The following KSR1 variants were observed in gnomAD, a reference collection of about 807,000 sequenced individuals.
KSR1 encodes kinase suppressor of ras.
KSR1 carries 35 observed loss-of-function variants against 92.9 expected under a neutral mutation model. That is an observed-to-expected ratio of 0.38 (90% CI 0.29 to 0.50). The LOEUF (loss-of-function observed/expected upper bound fraction) is 0.50, where lower values mean the gene tolerates loss of function less well. Among genes scored for constraint, KSR1 ranks in the 20% least tolerant of loss-of-function variants. The probability of loss-of-function intolerance (pLI) is 0.94; values close to 1 mark genes in which losing one functional copy is unlikely to be tolerated. For synonymous variants in KSR1, 467 were observed against 472.6 expected, an observed-to-expected ratio of 0.99 and a Z score of 0.15; for missense variants, 972 against 1,158.5, an observed-to-expected ratio of 0.84 and a Z score of 2.34.
Position 27,585,533 on chromosome 17 carries a change from C to G in KSR1, c.981-124C>G, listed in dbSNP as rs1200773995. The G allele has an allele frequency of 4.2e-6, 3 of 710,390 alleles. No homozygotes were observed. The South Asian group carries it at 4.5e-5, about 11-fold the overall frequency. The allele number at this position is 710,390 out of a possible 1,614,324, so 44.0% of individuals were successfully genotyped here. A position where few individuals can be genotyped will look rare whatever the true frequency, so the allele number is the denominator to read the frequency against. On this transcript the variant is annotated intron_variant, in intron 4 of 20. Coordinates refer to ENST00000644974, the MANE Select transcript of KSR1 (RefSeq NM_001394583.1). ...CAGAGTCAATCAGCCAGTCTGGCCT[C>G]AAGCCAGGCCTCAGAGTCCTACGTC...
chr17:27,499,831 CAG>C (rs1171045506), intron 1 of KSR1, among the ~76,000 whole-genome samples: 1 of 152,248 alleles, frequency 6.6e-6, no homozygotes, highest in Non-Finnish European at 1.5e-5. Flanking sequence ...ACCACCAAAG[CAG>C]AGGGGGTGTA....
At position 27,609,349 on chromosome 17, in the gene KSR1, C is replaced by T. The variant is rs372491421; in HGVS notation, c.2225+20C>T. 1.4e-5 allele frequency: 22 copies of T among 1,613,120 alleles called. No individual in the cohort carries two copies. The Admixed American group carries it at 2.7e-4, about 20-fold the overall frequency. ...GGGACGGTGAGTTGGTCTTGAGTGT[C>T]TGGGTGGGTTGTGGGTGCTGGATGG... On this transcript the variant is annotated intron_variant, in intron 16 of 20. Transcript: ENST00000644974.
At chr17:27,610,023 C>G (rs1274057269) in intron 16 of KSR1, 44 bp from the exon 17 acceptor site, 1 of 1,609,112 alleles carries the variant, frequency 6.2e-7, no homozygotes, top group Non-Finnish European at 8.5e-7. Context: ...TCTTTGCTGC[C>G]TGCTGAAAGG....
chr17:27,519,748 G>C (rs2069945196), intron 1 of KSR1, among the ~76,000 whole-genome samples: 1 of 152,164 alleles, frequency 6.6e-6, no homozygotes, highest in Non-Finnish European at 1.5e-5. Context: ...GATTATTTAG[G>C]CTCTAAATTG....
intron 18 of KSR1, among the ~76,000 whole-genome samples, chr17:27,615,377 G>T (rs538282438): frequency 6.6e-6 from 1 of 152,230 alleles, no homozygotes; most frequent in Admixed American, 6.5e-5. Flanking sequence ...CATTTTCTTT[G>T]TGGGTCCATC....
At chr17:27,568,390 C>T (rs1450086969) in intron 2 of KSR1, among the ~76,000 whole-genome samples, 2 of 152,258 alleles carry the variant, frequency 1.3e-5, no homozygotes, top group Non-Finnish European at 2.9e-5. Flanking sequence ...TCTGGCCCCA[C>T]AAGGGACCCA....
At chr17:27,580,153 G>A (rs183795861) in intron 3 of KSR1, among the ~76,000 whole-genome samples, 1 of 152,250 alleles carries the variant, frequency 6.6e-6, no homozygotes, top group East Asian at 1.9e-4. Context: ...TTTGGGGCTT[G>A]TTTCCTTTGG....
At position 27,607,971 on chromosome 17, in the gene KSR1, C is replaced by G; in HGVS notation, c.2052C>G (p.Asp684Glu). 1 of 1,610,978 alleles carries G rather than the reference C, an allele frequency of 6.2e-7. No homozygotes were observed. The highest frequency in any genetic ancestry group is 8.5e-7 in the Non-Finnish European group (1 of 1,178,602). ...TGAGGGACCCCAAGACGTCTCTGGACATCAACAAGACGAGGCAAATCGCTC... is the reference window on the plus strand; with the variant it reads ...TGAGGGACCCCAAGACGTCTCTGGAGATCAACAAGACGAGGCAAATCGCTC... ...SFVRDPKTSL[D>E]INKTRQIAQE... is the part of the protein sequence containing the mutation. Residue 684 changes from aspartate to glutamate, a missense_variant, in exon 15 of 21, where the codon GAC becomes GAG. Asp to Glu is a conservative substitution (Grantham distance 45). Transcript: ENST00000644974.
chr17:27,529,299 GCCTCATAGTGTT>G (rs1426953223), intron 1 of KSR1, among the ~76,000 whole-genome samples: 1 of 152,016 alleles, frequency 6.6e-6, no homozygotes, highest in Admixed American at 6.6e-5. Flanking sequence ...AAAAAAAGTT[GCCTCATAGTGTT>G]CTGTGATTGA....
At position 27,550,698 on chromosome 17, in the gene KSR1, A is replaced by G. The variant is rs1282997609; in HGVS notation, c.362A>G (p.Glu121Gly). ...CTGTACACTTTCAACGTGAGGCCGGAGGTGGTGCAGGTATGCAAGCTGGTT... is the reference window on the plus strand; with the variant it reads ...CTGTACACTTTCAACGTGAGGCCGGGGGTGGTGCAGGTATGCAAGCTGGTT... ...DWLYTFNVRP[E>G]VVQEIPRDLT... The change falls in exon 2 of 21, where the codon GAG becomes GGG. Residue 121 changes from glutamate (E) to glycine (G), a missense_variant. Transcript: ENST00000644974. 2 of 762,926 alleles carry G rather than the reference A, an allele frequency of 2.6e-6. No individual in the cohort carries two copies. The highest frequency in any genetic ancestry group is 2.4e-5 in the East Asian group (1 of 41,248). 47.3% of individuals were successfully genotyped at this position (762,926 alleles called of 1,614,324 possible).
chr17:27,499,674 G>T (rs1389600018), intron 1 of KSR1, among the ~76,000 whole-genome samples: 1 of 152,234 alleles, frequency 6.6e-6, no homozygotes, highest in Non-Finnish European at 1.5e-5. Flanking sequence ...TATTGGCAAG[G>T]CACTCATGAT....
intron 1 of KSR1, among the ~76,000 whole-genome samples, chr17:27,511,155 G>C (rs1038553373): frequency 3.9e-5 from 6 of 152,178 alleles, no homozygotes; most frequent in Non-Finnish European, 8.8e-5. Context: ...GAGTTTCCTG[G>C]CTAGAGATTC....
chr17:27,515,621 T>G (rs1046258895), intron 1 of KSR1, among the ~76,000 whole-genome samples: 8 of 151,488 alleles, frequency 5.3e-5, no homozygotes, highest in Admixed American at 3.9e-4. Flanking sequence ...GTTTTTTTTT[T>G]TTTTTTTTTT....
intron 10 of KSR1, 52 bp from the exon 11 acceptor site, chr17:27,601,308 C>T: frequency 8.5e-6 from 13 of 1,530,890 alleles, no homozygotes; most frequent in Admixed American, 5.1e-5. Context: ...CCGCTCCTCC[C>T]TCCTGCGTTG....
intron 2 of KSR1, chr17:27,560,191 C>T (rs1276100377): frequency 3.1e-6 from 1 of 319,626 alleles, no homozygotes; most frequent in Non-Finnish European, 6.1e-6. Flanking sequence ...CCCTGTCCCA[C>T]AAGTTACGTC....
At chr17:27,603,785 G>A (rs1017959973) in intron 11 of KSR1, 49 bp from the exon 12 acceptor site, 1 of 1,592,216 alleles carries the variant, frequency 6.3e-7, no homozygotes, top group Non-Finnish European at 8.6e-7. Context: ...GTCTCTTTGG[G>A]GAGAGGAAAG....
At chr17:27,589,074 G>A (rs745221) in intron 6 of KSR1, among the ~76,000 whole-genome samples, 63,914 of 151,994 alleles carry the variant, frequency 0.42, 13,589 homozygotes, top group Non-Finnish European at 0.46. Flanking sequence ...AGGCCGGATC[G>A]CAACTCCTTA....
chr17:27,621,800 CTT>C, intron 20 of KSR1: 2 of 857,644 alleles, frequency 2.3e-6, no homozygotes, highest in Non-Finnish European at 3.8e-6. Context: ...CAGGATGGCC[CTT>C]TCTCTCTGGA....
At chr17:27,569,673 A>G (rs1298010451) in intron 2 of KSR1, among the ~76,000 whole-genome samples, 4 of 152,260 alleles carry the variant, frequency 2.6e-5, no homozygotes, top group Admixed American at 6.5e-5. Context: ...TTCAGTATCC[A>G]TAGTTAAATT....
Sources: gnomAD v4.1 joint callset for allele counts (sites outside exome capture counted in the v4.1 genomes callset) on GRCh38, gnomAD v4.1.1 for gene constraint, MANE v1.5 for transcripts, NCBI Gene and HGNC (gene_info 2026-07-23, HGNC 2026-07-21) for gene names.